The following CCR8 variants were observed in gnomAD, a reference collection of about 807,000 sequenced individuals.
CCR8 encodes the protein C-C chemokine receptor type 8.
For synonymous variants in CCR8, 156 were observed against 165.7 expected (o/e 0.94, Z 0.45); for missense variants, 358 against 417.5 (o/e 0.86, Z 1.24).
chr3:39,329,949 T>A (rs1038757609), intron 1 of CCR8, 120 bp downstream of exon 1: 8 of 151,830 alleles, frequency 5.3e-5, no homozygotes, highest in African/African-American at 1.2e-4. Flanking sequence ...AGAAGTAAAA[T>A]TTTTTTTTAA....
rs530866802 is a variant in CCR8 at position 39,332,270 on chromosome 3, A to G, written c.-14-48A>G. Reference sequence around the variant, plus strand: ...AACATCCCCCTAATTTTTAAAAAATAAAAATGTTTTTAAGGAGTGAATGTC... The same window carrying G: ...AACATCCCCCTAATTTTTAAAAAATGAAAATGTTTTTAAGGAGTGAATGTC... On this transcript the variant is annotated intron_variant, in intron 1 of 1. Transcript: ENST00000326306. The G allele has an allele frequency of 7.6e-5, 88 of 1,157,508 alleles. 1 individual carries two copies. The East Asian group carries it at 1.7e-3, about 23-fold the overall frequency. The allele number at this position is 1,157,508 out of a possible 1,614,324, so 71.7% of individuals were successfully genotyped here.
chr3:39,332,099 G>A (rs2041260751), intron 1 of CCR8, among the ~76,000 whole-genome samples: 2 of 152,178 alleles, frequency 1.3e-5, no homozygotes, highest in African/African-American at 2.4e-5. Flanking sequence ...AGGATTACAG[G>A]CATGAGCCAC....
At chr3:39,331,709 C>G (rs1020494450) in intron 1 of CCR8, among the ~76,000 whole-genome samples, 2 of 150,846 alleles carry the variant, frequency 1.3e-5, no homozygotes, top group Admixed American at 1.3e-4. Flanking sequence ...CTCAAGCAAT[C>G]CGCCTACCTT....
In CCR8 at chr3:39,333,375, C is replaced by T. The variant is rs1368688293; in HGVS notation, c.1044C>T (p.Ser348=). 2 of 1,613,372 alleles carry T rather than the reference C, an allele frequency of 1.2e-6. No homozygotes were observed. Among genetic ancestry groups the T allele is most frequent in the Non-Finnish European group, 1.7e-6 (2 of 1,179,614 alleles). ...SSSCQQHSSR[S]SSVDYIL Reference sequence around the variant, plus strand: ...CCTGCCAGCAGCACTCCTCCCGTTCCTCCAGCGTAGACTACATTTTGTGAG... The same window carrying T: ...CCTGCCAGCAGCACTCCTCCCGTTCTTCCAGCGTAGACTACATTTTGTGAG... The change falls in exon 2 of 2, where the codon TCC becomes TCT. Residue 348 remains serine, a synonymous_variant. Coordinates refer to ENST00000326306, the MANE Select transcript of CCR8 (RefSeq NM_005201.4).
intron 1 of CCR8, among the ~76,000 whole-genome samples, chr3:39,332,010 G>A (rs181629979): frequency 3.3e-5 from 5 of 151,660 alleles, no homozygotes; most frequent in Admixed American, 6.6e-5. Flanking sequence ...TAGTAGAGAC[G>A]GGGTTTCGCC....
chr3:39,333,429 T>C lies in CCR8; in HGVS notation c.*30T>C. On this transcript the variant is annotated 3_prime_UTR_variant, in exon 2 of 2. Coordinates refer to ENST00000326306, the MANE Select transcript of CCR8 (RefSeq NM_005201.4). ...CAATGAAGACTAAATATAAAAAACA[T>C]TTTCTTGAATGGCATGCTAGTAGCA... is the stretch of plus-strand genomic sequence containing the variant. 1 of 1,537,014 alleles carries C rather than the reference T, an allele frequency of 6.5e-7. No individual in the cohort carries two copies. Among genetic ancestry groups the C allele is most frequent in the South Asian group, 1.2e-5 (1 of 82,472 alleles).
In CCR8 at chr3:39,333,404, C is replaced by A; in HGVS notation, c.*5C>A. The A allele has an allele frequency of 6.3e-7, 1 of 1,591,910 alleles. No homozygotes were observed. Among genetic ancestry groups the A allele is most frequent in the South Asian group, 1.1e-5 (1 of 88,864 alleles). On this transcript the variant is annotated 3_prime_UTR_variant, in exon 2 of 2. Coordinates refer to ENST00000326306, the MANE Select transcript of CCR8 (RefSeq NM_005201.4). Reference sequence around the variant, plus strand: ...AGCGTAGACTACATTTTGTGAGGATCAATGAAGACTAAATATAAAAAACAT... The same window carrying A: ...AGCGTAGACTACATTTTGTGAGGATAAATGAAGACTAAATATAAAAAACAT...
At chr3:39,330,900 T>C (rs913428597) in intron 1 of CCR8, among the ~76,000 whole-genome samples, 4 of 152,164 alleles carry the variant, frequency 2.6e-5, no homozygotes, top group African/African-American at 9.7e-5. Context: ...GAATGATACA[T>C]ACCAAATTGG....
At chr3:39,331,577 G>C (rs747662272) in intron 1 of CCR8, among the ~76,000 whole-genome samples, 3 of 151,712 alleles carry the variant, frequency 2.0e-5, no homozygotes, top group Non-Finnish European at 2.9e-5. Context: ...AGAAATTGTC[G>C]TGCCTCAGCC....
rs1559379418 is a variant in CCR8 at position 39,332,787 on chromosome 3, G to GCTGT, written c.457_460dup (p.Cys154SerfsTer25). Reference sequence around the variant, plus strand: ...TGAGGACGATCAGGATGGGCACAACGCTGTGCCTGGCAGTATGGCTAACCG... The same window carrying GCTGT: ...TGAGGACGATCAGGATGGGCACAACGCTGTCTGTGCCTGGCAGTATGGCTAACCG... On this transcript the variant is annotated frameshift_variant, in exon 2 of 2. Coordinates refer to ENST00000326306, the MANE Select transcript of CCR8 (RefSeq NM_005201.4). LOFTEE classifies it low-confidence loss of function (END_TRUNC). The GCTGT allele has an allele frequency of 1.9e-6, 3 of 1,614,146 alleles. No homozygotes were observed. In the East Asian group the frequency reaches 6.7e-5, roughly 36 times the overall value.
In CCR8 at chr3:39,332,768, C is replaced by A; in HGVS notation, c.437C>A (p.Thr146Lys). 1 of 1,614,136 alleles carries A rather than the reference C, an allele frequency of 6.2e-7. No individual in the cohort carries two copies. Among genetic ancestry groups the A allele is most frequent in the Non-Finnish European group, 8.5e-7 (1 of 1,180,008 alleles). ...GCCGTGTATGCCCTAAAGGTGAGGACGATCAGGATGGGCACAACGCTGTGC... is the reference window on the plus strand; with the variant it reads ...GCCGTGTATGCCCTAAAGGTGAGGAAGATCAGGATGGGCACAACGCTGTGC... ...VHAVYALKVRTIRMGTTLCLA... is the reference protein window; with the variant it reads ...VHAVYALKVRKIRMGTTLCLA... Residue 146 changes from threonine to lysine, a missense_variant, in exon 2 of 2, where the codon ACG (threonine) becomes AAG (lysine). Thr to Lys is a moderately conservative substitution (Grantham distance 78). Transcript: ENST00000326306.
In CCR8 at chr3:39,333,313, A is replaced by C. The variant is rs1559379632; in HGVS notation, c.982A>C (p.Arg328=). The change falls in exon 2 of 2, where the codon AGA becomes CGA. Residue 328 remains arginine, a synonymous_variant. Transcript: ENST00000326306. ...SCSQIFNYLG[R]QMPRESCEKS... is the part of the protein sequence containing the mutation. ...CAGCCAAATCTTCAACTACCTAGGAAGACAAATGCCTAGGGAGAGCTGTGA... is the reference window on the plus strand; with the variant it reads ...CAGCCAAATCTTCAACTACCTAGGACGACAAATGCCTAGGGAGAGCTGTGA... 6.2e-7 allele frequency: 1 copy of C among 1,614,154 alleles called. No homozygotes were observed.
chr3:39,331,196 T>A (rs767956214), intron 1 of CCR8, among the ~76,000 whole-genome samples: 1 of 152,210 alleles, frequency 6.6e-6, no homozygotes, highest in African/African-American at 2.4e-5. Flanking sequence ...TCCCTTTGGT[T>A]TACATAACAA....
chr3:39,331,429 G>T (rs1303363570), intron 1 of CCR8, among the ~76,000 whole-genome samples: 1 of 152,084 alleles, frequency 6.6e-6, no homozygotes, highest in African/African-American at 2.4e-5. Context: ...AAGGACACTA[G>T]TTCTATCAGA....
Position 39,333,200 on chromosome 3 carries a change from T to G in CCR8, c.869T>G (p.Phe290Cys). The G allele has an allele frequency of 1.9e-6, 3 of 1,614,110 alleles. No individual in the cohort carries two copies. The highest frequency in any genetic ancestry group is 2.5e-6 in the Non-Finnish European group (3 of 1,180,012). Reference sequence around the variant, plus strand: ...ACCCATGTCACAGAAATCATTTCCTTTACTCACTGCTGTGTGAACCCTGTT... The same window carrying G: ...ACCCATGTCACAGAAATCATTTCCTGTACTCACTGCTGTGTGAACCCTGTT... ...YATHVTEIISFTHCCVNPVIY... is the reference protein window; with the variant it reads ...YATHVTEIISCTHCCVNPVIY... The change falls in exon 2 of 2, where the codon TTT becomes TGT. Residue 290 changes from phenylalanine (F) to cysteine (C), a missense_variant. Coordinates refer to ENST00000326306, the MANE Select transcript of CCR8 (RefSeq NM_005201.4).
In CCR8 at chr3:39,333,413, C is replaced by T. The variant is rs1280079771; in HGVS notation, c.*14C>T. ...TACATTTTGTGAGGATCAATGAAGA[C>T]TAAATATAAAAAACATTTTCTTGAA... On this transcript the variant is annotated 3_prime_UTR_variant, in exon 2 of 2. Transcript: ENST00000326306. 6.3e-7 allele frequency: 1 copy of T among 1,575,830 alleles called. No individual in the cohort carries two copies. The highest frequency in any genetic ancestry group is 1.2e-5 in the South Asian group (1 of 86,756).
At chr3:39,331,656 CG>C (rs1180764475) in intron 1 of CCR8, among the ~76,000 whole-genome samples, 1 of 151,474 alleles carries the variant, frequency 6.6e-6, no homozygotes, top group Non-Finnish European at 1.5e-5. Context: ...TTAGTAGAGA[CG>C]GGGTTTTGCA....
chr3:39,331,623 A>T (rs1470953398), intron 1 of CCR8, among the ~76,000 whole-genome samples: 2 of 151,594 alleles, frequency 1.3e-5, no homozygotes, highest in African/African-American at 4.9e-5. Context: ...ATGTGGCACC[A>T]TGCCTGGCTA....
intron 1 of CCR8, among the ~76,000 whole-genome samples, chr3:39,331,944 T>C (rs1037607930): frequency 7.3e-5 from 11 of 150,758 alleles, no homozygotes; most frequent in African/African-American, 2.4e-4. Context: ...CTCAGCCTCC[T>C]GAGTAGCTAG....
Sources: allele counts gnomAD v4.1 joint callset (sites outside exome capture counted in the v4.1 genomes callset), GRCh38; gene constraint gnomAD v4.1.1; transcripts MANE v1.5; gene names NCBI Gene and HGNC (gene_info 2026-07-23, HGNC 2026-07-21).